Variants in FDXR observed in about 807,000 individuals in gnomAD.
FDXR encodes ferredoxin reductase.
Under a neutral mutation model 58.3 loss-of-function variants are expected in FDXR, and 38 were observed. The ratio of observed to expected loss-of-function variants is 0.65; its 90% CI spans 0.50 to 0.85. The LOEUF (loss-of-function observed/expected upper bound fraction) is 0.85, where lower values mean the gene tolerates loss of function less well. Among genes scored for constraint, FDXR ranks in the 40% least tolerant of loss-of-function variants. The probability of loss-of-function intolerance (pLI) is 0.00; values close to 1 mark genes in which losing one functional copy is unlikely to be tolerated. For synonymous variants in FDXR, 275 were observed against 273.8 expected (o/e 1.00, Z -0.04); for missense variants, 624 against 671.0 (o/e 0.93, Z 0.77).
Position 74,865,815 on chromosome 17 carries a change from C to T in FDXR, c.513G>A (p.Glu171=), listed in dbSNP as rs1260467008. 2.5e-6 allele frequency: 4 copies of T among 1,612,716 alleles called. No individual in the cohort carries two copies. The highest frequency in any genetic ancestry group is 1.1e-5 in the South Asian group (1 of 90,818). Residue 171 remains glutamate (E), a synonymous_variant, in exon 6 of 12, where the codon GAG becomes GAA. Transcript: ENST00000293195. ...CGGCTGTGTCACAGCTCAGGTCTGGCTCCAGCTGGAGGGGAAAGGTCTTGA... is the reference window on the plus strand; with the variant it reads ...CGGCTGTGTCACAGCTCAGGTCTGGTTCCAGCTGGAGGGGAAAGGTCTTGA... ...YNGLPENQEL[E]PDLSCDTAVI...
chr17:74,872,548 A>G, intron 1 of FDXR: 2 of 623,626 alleles, frequency 3.2e-6, no homozygotes. Flanking sequence ...TCTTATTCCT[A>G]CAGATCCCTG....
Position 74,866,572 on chromosome 17 carries a change from C to T in FDXR, c.271-4G>A. On this transcript the variant is annotated splice_polypyrimidine_tract_variant and splice_region_variant and intron_variant, in intron 3 of 11. Transcript: ENST00000293195. ...GGGTAAATGTGTTGATGACATTCTG[C>T]CAGGTCCCCCGGGAATGGGAGGGGT... 1.2e-6 allele frequency: 2 copies of T among 1,613,472 alleles called. No homozygotes were observed. The highest frequency in any genetic ancestry group is 1.1e-5 in the South Asian group (1 of 91,082).
At chr17:74,865,091 G>C (rs2038128228) in intron 6 of FDXR, 160 bp from the exon 7 acceptor site, 2 of 891,398 alleles carry the variant, frequency 2.2e-6, no homozygotes, top group Non-Finnish European at 3.4e-6. Flanking sequence ...TGCCAACTCT[G>C]CAAATGGCTC....
Position 74,866,805 on chromosome 17 carries a change from C to T in FDXR, c.249G>A (p.Ala83=), listed in dbSNP as rs201956001. The T allele has an allele frequency of 2.2e-5, 36 of 1,614,028 alleles. No homozygotes were observed. Among genetic ancestry groups the T allele is most frequent in the Non-Finnish European group, 2.8e-5 (33 of 1,180,038 alleles). Residue 83 remains alanine (A), a synonymous_variant, in exon 3 of 12, where the codon GCG becomes GCA. Coordinates refer to ENST00000293195, the MANE Select transcript of FDXR (RefSeq NM_024417.5). ...VPFGLVRFGV[A]PDHPEVKNVI... is the part of the protein sequence containing the mutation. ...CCACCTTCACCTCGGGGTGATCAGG[C>T]GCCACACCAAAGCGCACCAGGCCAA... is the stretch of plus-strand genomic sequence containing the variant.
intron 5 of FDXR, 38 bp from the exon 6 acceptor site, chr17:74,865,858 G>C (rs2070920): frequency 4.7e-6 from 7 of 1,479,078 alleles, no homozygotes; most frequent in Non-Finnish European, 4.7e-6. Context: ...CCCCAGCCTC[G>C]CTCCACTCAG....
rs1355548635 is a variant in FDXR at position 74,862,775 on chromosome 17, C to A, written c.*42G>T. The A allele has an allele frequency of 1.9e-6, 3 of 1,581,880 alleles. No individual in the cohort carries two copies. Among genetic ancestry groups the A allele is most frequent in the Non-Finnish European group, 2.6e-6 (3 of 1,168,000 alleles). Reference sequence around the variant, plus strand: ...ACGGACCCAGCCCTTCCCCTCCCAACACTCATCCCTTCCCTGCTGGGGGCC... The same window carrying A: ...ACGGACCCAGCCCTTCCCCTCCCAAAACTCATCCCTTCCCTGCTGGGGGCC... On this transcript the variant is annotated 3_prime_UTR_variant, in exon 12 of 12. Coordinates refer to ENST00000293195, the MANE Select transcript of FDXR (RefSeq NM_024417.5).
intron 2 of FDXR, chr17:74,868,519 A>T: frequency 6.9e-7 from 1 of 1,458,674 alleles, no homozygotes; most frequent in Non-Finnish European, 9.3e-7. Context: ...TGCTCGGCCT[A>T]GAGGTCAACA....
chr17:74,863,695 C>T (rs1028244914), intron 10 of FDXR, among the ~76,000 whole-genome samples: 4 of 152,282 alleles, frequency 2.6e-5, no homozygotes, highest in South Asian at 2.1e-4. Context: ...CTTAATGACC[C>T]GACGTATGTC....
At chr17:74,865,636 A>G in intron 6 of FDXR, 83 bp downstream of exon 6, 2 of 915,380 alleles carry the variant, frequency 2.2e-6, no homozygotes, top group South Asian at 1.5e-5. Context: ...TTGGAGAGGT[A>G]AGGCCTGAAC....
rs763137329 is a variant in FDXR at position 74,866,850 on chromosome 17, G to A, written c.204C>T (p.Tyr68=). 2.0e-5 allele frequency: 32 copies of A among 1,614,178 alleles called. No homozygotes were observed. Among genetic ancestry groups the A allele is most frequent in the South Asian group, 1.6e-4 (15 of 91,070 alleles). The change falls in exon 3 of 12, where the codon TAC becomes TAT. Residue 68 remains tyrosine (Y), a synonymous_variant. Coordinates refer to ENST00000293195, the MANE Select transcript of FDXR (RefSeq NM_024417.5). ...LKHPQAHVDI[Y]EKQPVPFGLV... is the part of the protein sequence containing the mutation. ...GGCCAAAGGGCACAGGCTGTTTCTCGTAGATGTCCACGTGGGCCTGGGGGT... is the reference window on the plus strand; with the variant it reads ...GGCCAAAGGGCACAGGCTGTTTCTCATAGATGTCCACGTGGGCCTGGGGGT...
At position 74,866,253 on chromosome 17, in the gene FDXR, A is replaced by G; in HGVS notation, c.394-9T>C. The G allele has an allele frequency of 6.2e-7, 1 of 1,611,420 alleles. No individual in the cohort carries two copies. Among genetic ancestry groups the G allele is most frequent in the Non-Finnish European group, 8.5e-7 (1 of 1,178,172 alleles). On this transcript the variant is annotated splice_polypyrimidine_tract_variant and intron_variant, in intron 4 of 11. Coordinates refer to ENST00000293195, the MANE Select transcript of FDXR (RefSeq NM_024417.5). ...TCCTCTGCCCCGTAGCTCTGATGAA[A>G]GATGGCAGGCCCGAGACCCACAGCC...
At chr17:74,865,620 C>A in intron 6 of FDXR, 99 bp downstream of exon 6, 1 of 778,096 alleles carries the variant, frequency 1.3e-6, no homozygotes, top group Non-Finnish European at 2.1e-6. Flanking sequence ...AGGCACTGAG[C>A]CCAGCTTGGA....
At chr17:74,862,993 C>A (rs1267480880) in intron 11 of FDXR, 46 bp from the exon 12 acceptor site, 2 of 1,603,686 alleles carry the variant, frequency 1.2e-6, no homozygotes, top group Non-Finnish European at 1.7e-6. Context: ...TCACCCCTCC[C>A]AGAACAGCCC....
Position 74,866,579 on chromosome 17 carries a change from C to G in FDXR, c.271-11G>C. On this transcript the variant is annotated splice_polypyrimidine_tract_variant and intron_variant, in intron 3 of 11. Transcript: ENST00000293195. ...TGTGTTGATGACATTCTGCCAGGTCCCCCGGGAATGGGAGGGGTTAGAGGG... is the reference window on the plus strand; with the variant it reads ...TGTGTTGATGACATTCTGCCAGGTCGCCCGGGAATGGGAGGGGTTAGAGGG... The G allele has an allele frequency of 6.2e-7, 1 of 1,613,466 alleles. No individual in the cohort carries two copies. Among genetic ancestry groups the G allele is most frequent in the Non-Finnish European group, 8.5e-7 (1 of 1,180,016 alleles).
At chr17:74,866,290 C>CACTG (rs1235234158) in intron 4 of FDXR, 46 bp from the exon 5 acceptor site, 1 of 1,582,454 alleles carries the variant, frequency 6.3e-7, no homozygotes, top group South Asian at 1.1e-5. Context: ...TCAGCACCAG[C>CACTG]ACTGATAGGC....
intron 2 of FDXR, chr17:74,869,916 C>G: frequency 2.2e-6 from 1 of 446,514 alleles, no homozygotes; most frequent in Non-Finnish European, 4.6e-6. Flanking sequence ...ACGGTGGAAG[C>G]TTGGACAACC....
At chr17:74,867,306 CAAAAA>C (rs56079045) in intron 2 of FDXR, among the ~76,000 whole-genome samples, 2 of 16,544 alleles carry the variant, frequency 1.2e-4, no homozygotes, top group African/African-American at 1.9e-4. Context: ...GACTCTGTCT[CAAAAA>C]AAAAAAAAAA....
At chr17:74,871,336 T>C (rs918750288) in intron 2 of FDXR, among the ~76,000 whole-genome samples, 10 of 152,118 alleles carry the variant, frequency 6.6e-5, no homozygotes, top group African/African-American at 2.4e-4. Context: ...TGTGTGTGTA[T>C]AATTAAGATA....
intron 2 of FDXR, among the ~76,000 whole-genome samples, chr17:74,870,516 C>CAAAAAAAAA (rs1168237892): frequency 1.8e-5 from 1 of 55,004 alleles, no homozygotes; most frequent in Non-Finnish European, 3.0e-5. Flanking sequence ...GACTCCATCT[C>CAAAAAAAAA]AAAAAAAAAA....
Sources: gnomAD v4.1 joint callset for allele counts (sites outside exome capture counted in the v4.1 genomes callset) on GRCh38, gnomAD v4.1.1 for gene constraint, MANE v1.5 for transcripts, NCBI Gene and HGNC (gene_info 2026-07-23, HGNC 2026-07-21) for gene names.